Variants in RMST observed in about 807,000 individuals in gnomAD.
RMST encodes long intergenic non-protein coding RNA 54.
At chr12:97,469,186 G>A (rs938976661) in intron 5 of RMST, among the ~76,000 whole-genome samples, 19 of 135,680 alleles carry the variant, frequency 1.4e-4, no homozygotes, top group African/African-American at 5.6e-4. Flanking sequence ...GTGTGTATGT[G>A]TGTATATATA....
intron 10 of RMST, among the ~76,000 whole-genome samples, chr12:97,528,633 C>G (rs963958636): frequency 6.6e-6 from 1 of 152,040 alleles, no homozygotes; most frequent in South Asian, 2.1e-4. Context: ...GGAATAAACT[C>G]TTTTCAGTAT....
intron 10 of RMST, among the ~76,000 whole-genome samples, chr12:97,519,553 C>T (rs942588827): frequency 1.3e-5 from 2 of 152,154 alleles, no homozygotes; most frequent in Admixed American, 1.3e-4. Context: ...ATTTAATGTT[C>T]CACAATCGTA....
intron 13 of RMST, chr12:97,563,900 T>C (rs1266708796): frequency 2.0e-6 from 1 of 509,596 alleles, no homozygotes. Context: ...TGAAATACAT[T>C]GTGAAAAATC....
intron 5 of RMST, among the ~76,000 whole-genome samples, chr12:97,474,006 C>T (rs1874230201): frequency 6.6e-6 from 1 of 151,986 alleles, no homozygotes; most frequent in South Asian, 2.1e-4. Flanking sequence ...CTTCTCTGCC[C>T]AGGGAAGGGA....
chr12:97,477,708 T>C (rs555892545), intron 5 of RMST, among the ~76,000 whole-genome samples: 16 of 152,342 alleles, frequency 1.1e-4, no homozygotes, highest in Non-Finnish European at 1.2e-4. Context: ...TAATGCATGG[T>C]TTTTCCTCTG....
At chr12:97,520,627 C>G (rs1175397184) in intron 10 of RMST, among the ~76,000 whole-genome samples, 1 of 151,992 alleles carries the variant, frequency 6.6e-6, no homozygotes, top group African/African-American at 2.4e-5. Context: ...GCATGATAAA[C>G]TTTCTTGAAA....
intron 11 of RMST, among the ~76,000 whole-genome samples, chr12:97,552,700 T>C (rs1199389620): frequency 2.6e-5 from 4 of 152,196 alleles, no homozygotes; most frequent in Admixed American, 1.3e-4. Context: ...CCTTTCTATT[T>C]TGTTGTTGTT....
intron 5 of RMST, among the ~76,000 whole-genome samples, chr12:97,468,440 AC>A (rs1287602761): frequency 6.6e-6 from 1 of 151,920 alleles, no homozygotes; most frequent in Non-Finnish European, 1.5e-5. Context: ...ATTGTACAAA[AC>A]CTTTTTGCAT....
chr12:97,511,579 A>T (rs1391409451), intron 10 of RMST, among the ~76,000 whole-genome samples: 1 of 152,204 alleles, frequency 6.6e-6, no homozygotes, highest in Admixed American at 6.5e-5. Context: ...TTGAATTCTG[A>T]AGTATCTGAT....
chr12:97,467,721 T>G (rs1440809986), intron 5 of RMST, among the ~76,000 whole-genome samples: 1 of 152,046 alleles, frequency 6.6e-6, no homozygotes, highest in Non-Finnish European at 1.5e-5. Flanking sequence ...ATTCTGCCTT[T>G]GTCTTTGTGC....
intron 11 of RMST, among the ~76,000 whole-genome samples, chr12:97,556,596 A>G (rs913736708): frequency 2.0e-4 from 30 of 152,180 alleles, no homozygotes; most frequent in African/African-American, 7.0e-4. Context: ...ACCAAATTCA[A>G]TAGCATTCTC....
intron 11 of RMST, among the ~76,000 whole-genome samples, chr12:97,547,583 A>G (rs1225416805): frequency 2.0e-5 from 3 of 152,072 alleles, no homozygotes; most frequent in Non-Finnish European, 2.9e-5. Flanking sequence ...GATAATAGCC[A>G]CTATAACAAG....
intron 5 of RMST, among the ~76,000 whole-genome samples, chr12:97,476,378 G>A (rs2099260341): frequency 6.6e-6 from 1 of 152,196 alleles, no homozygotes; most frequent in Admixed American, 6.5e-5. Flanking sequence ...CTTGAAGTCT[G>A]TGGGATGCCC....
chr12:97,467,373 T>G (rs949660873), intron 5 of RMST, among the ~76,000 whole-genome samples: 2 of 152,122 alleles, frequency 1.3e-5, no homozygotes, highest in African/African-American at 4.8e-5. Flanking sequence ...TAAGTCAAAA[T>G]GAAATCCTGA....
At chr12:97,537,195 C>G (rs562259765) in intron 11 of RMST, among the ~76,000 whole-genome samples, 2 of 151,390 alleles carry the variant, frequency 1.3e-5, no homozygotes, top group Non-Finnish European at 3.0e-5. Context: ...AGATGCTAGA[C>G]AAGATGGAAG....
chr12:97,527,577 C>T (rs1034590407), intron 10 of RMST, among the ~76,000 whole-genome samples: 1 of 152,148 alleles, frequency 6.6e-6, no homozygotes, highest in Non-Finnish European at 1.5e-5. Flanking sequence ...GCCAATTTCT[C>T]CAGGTCAGCT....
intron 10 of RMST, among the ~76,000 whole-genome samples, chr12:97,525,429 A>G (rs1880994697): frequency 6.6e-6 from 1 of 152,192 alleles, no homozygotes; most frequent in Non-Finnish European, 1.5e-5. Context: ...ATGAACTAGA[A>G]TAGACTGCAT....
intron 5 of RMST, among the ~76,000 whole-genome samples, chr12:97,489,580 T>G (rs1876531389): frequency 2.0e-5 from 3 of 152,210 alleles, no homozygotes; most frequent in Admixed American, 2.0e-4. Flanking sequence ...GGAATAAAAT[T>G]ACTTGTGAAA....
chr12:97,503,474 TG>T (rs1426988201), intron 10 of RMST, among the ~76,000 whole-genome samples: 1 of 141,510 alleles, frequency 7.1e-6, no homozygotes, highest in Admixed American at 7.0e-5. Flanking sequence ...AAAAAAAAGG[TG>T]GGATGCTTAT....
Sources: gnomAD v4.1 joint callset for allele counts (sites outside exome capture counted in the v4.1 genomes callset) on GRCh38, gnomAD v4.1.1 for gene constraint, MANE v1.5 for transcripts, NCBI Gene and HGNC (gene_info 2026-07-23, HGNC 2026-07-21) for gene names.